Variants in IL20RA observed in about 807,000 individuals in gnomAD.
The protein encoded by IL20RA is interleukin-20 receptor subunit alpha.
Under a neutral mutation model 36.5 loss-of-function variants are expected in IL20RA, and 29 were observed. The ratio of observed to expected loss-of-function variants is 0.79; its 90% confidence interval spans 0.59 to 1.08. The LOEUF (loss-of-function observed/expected upper bound fraction) is 1.08, where lower values mean the gene tolerates loss of function less well. Among genes scored for constraint, IL20RA ranks in the 50% least tolerant of loss-of-function variants. The probability of loss-of-function intolerance (pLI) is 0.00; values close to 1 mark genes in which losing one functional copy is unlikely to be tolerated. For synonymous variants in IL20RA, 279 were observed against 267.1 expected (o/e 1.04, Z -0.43); for missense variants, 652 against 668.4 (o/e 0.98, Z 0.27).
chr6:137,007,527 G>A (rs576246866), intron 5 of IL20RA, among the ~76,000 whole-genome samples: 1 of 152,272 alleles, frequency 6.6e-6, no homozygotes, highest in African/African-American at 2.4e-5. Flanking sequence ...AATGGATGAA[G>A]AGCCCTTCGA....
chr6:137,016,520 G>A (rs1775689604), intron 2 of IL20RA, among the ~76,000 whole-genome samples: 1 of 152,220 alleles, frequency 6.6e-6, no homozygotes, highest in Admixed American at 6.5e-5. Flanking sequence ...CTGACTATCT[G>A]TCTTGCATTC....
Position 137,004,748 on chromosome 6 carries a change from T to G in IL20RA, c.737A>C (p.Glu246Ala), listed in dbSNP as rs754077650. ...CARTLKDQSSEFKAKIIFWYV... is the reference protein window; with the variant it reads ...CARTLKDQSSAFKAKIIFWYV... ...CCAGAAGATGATTTTAGCCTTGAAC[T>G]CTGATGATTGATCTGTAAAAAAAAA... Residue 246 changes from glutamate (E) to alanine (A), a missense_variant, in exon 6 of 7, where the codon GAG (glutamate) becomes GCG (alanine). By Grantham distance (107) the Glu-to-Ala change is moderately radical. Coordinates refer to ENST00000316649, the MANE Select transcript of IL20RA (RefSeq NM_014432.4). 6.4e-7 allele frequency: 1 copy of G among 1,567,792 alleles called. No individual in the cohort carries two copies.
intron 5 of IL20RA, 109 bp downstream of exon 5, chr6:137,008,490 C>T (rs1467217891): frequency 1.9e-5 from 22 of 1,187,496 alleles, no homozygotes; most frequent in Non-Finnish European, 2.0e-5. Context: ...TTTGCCTCAA[C>T]CTGTTTCTGT....
chr6:137,013,210 C>T (rs9483976), intron 2 of IL20RA, among the ~76,000 whole-genome samples: 32,779 of 152,036 alleles, frequency 0.22, 3,791 homozygotes, highest in Middle Eastern at 0.3. Context: ...TCAAAGAGTC[C>T]TGAATTGTGG....
intron 1 of IL20RA, among the ~76,000 whole-genome samples, chr6:137,021,462 C>T (rs1775900718): frequency 6.7e-6 from 1 of 149,076 alleles, no homozygotes; most frequent in East Asian, 2.0e-4. Flanking sequence ...GTGAGGAGTT[C>T]GAGACCAGCC....
At chr6:137,033,688 C>A (rs1776377312) in intron 1 of IL20RA, among the ~76,000 whole-genome samples, 1 of 152,246 alleles carries the variant, frequency 6.6e-6, no homozygotes, top group Admixed American at 6.5e-5. Flanking sequence ...GTGCCAGCAC[C>A]ATTCTTCCAG....
chr6:137,039,347 GGGGCT>G (rs1202210349), intron 1 of IL20RA, among the ~76,000 whole-genome samples: 1 of 152,186 alleles, frequency 6.6e-6, no homozygotes, highest in Non-Finnish European at 1.5e-5. Flanking sequence ...TGGGGAGGCT[GGGGCT>G]GGGCCTCAAG....
At position 137,044,645 on chromosome 6, in the gene IL20RA, C is replaced by T. The variant is rs977395773; in HGVS notation, c.84G>A (p.Arg28=). The T allele has an allele frequency of 8.2e-7, 1 of 1,223,308 alleles. No homozygotes were observed. Among genetic ancestry groups the T allele is most frequent in the Non-Finnish European group, 1.0e-6 (1 of 982,104 alleles). The allele number at this position is 1,223,308 out of a possible 1,614,324, so 75.8% of individuals were successfully genotyped here. ...LLLLLAAPWG[R]AVPCVSGGLP... is the part of the protein sequence containing the mutation. Reference sequence around the variant, plus strand: ...CTGGCGGCGCGACCCACCTACCTGCCCGTCCCCAAGGCGCCGCCAGGAGCA... The same window carrying T: ...CTGGCGGCGCGACCCACCTACCTGCTCGTCCCCAAGGCGCCGCCAGGAGCA... Residue 28 remains arginine (R), a synonymous_variant, in exon 1 of 7, where the codon CGG becomes CGA. Coordinates refer to ENST00000316649, the MANE Select transcript of IL20RA (RefSeq NM_014432.4).
At chr6:137,025,255 A>C (rs1388587636) in intron 1 of IL20RA, among the ~76,000 whole-genome samples, 1 of 152,158 alleles carries the variant, frequency 6.6e-6, no homozygotes, top group African/African-American at 2.4e-5. Context: ...TGATTAGGTC[A>C]TAAGGGCAGA....
At chr6:137,034,886 A>C (rs746499987) in intron 1 of IL20RA, among the ~76,000 whole-genome samples, 2 of 151,126 alleles carry the variant, frequency 1.3e-5, no homozygotes, top group Admixed American at 6.6e-5. Context: ...CGGAGGTTGC[A>C]GTGAGCCGAG....
chr6:137,030,571 A>T (rs1402973025), intron 1 of IL20RA, among the ~76,000 whole-genome samples: 2 of 152,160 alleles, frequency 1.3e-5, no homozygotes, highest in African/African-American at 4.8e-5. Flanking sequence ...CAGCTTTCCC[A>T]AAGTTTTATA....
intron 1 of IL20RA, among the ~76,000 whole-genome samples, chr6:137,042,418 T>C (rs973365678): frequency 2.0e-5 from 3 of 152,214 alleles, no homozygotes; most frequent in Non-Finnish European, 4.4e-5. Context: ...TGACTTTAAA[T>C]GCCTGTTTAT....
At chr6:137,008,463 T>C in intron 5 of IL20RA, 136 bp downstream of exon 5, 1 of 832,296 alleles carries the variant, frequency 1.2e-6, no homozygotes, top group Middle Eastern at 2.4e-4. Flanking sequence ...GCATTTCTGG[T>C]GGTAGTTGTT....
At chr6:137,009,674 C>T (rs1218523689) in intron 3 of IL20RA, among the ~76,000 whole-genome samples, 182 bp from the exon 4 acceptor site, 1 of 140,660 alleles carries the variant, frequency 7.1e-6, no homozygotes, top group African/African-American at 2.7e-5. Flanking sequence ...GGCATGATCT[C>T]GGCTCACTGC....
chr6:137,006,583 GT>G (rs1283166430), intron 5 of IL20RA, among the ~76,000 whole-genome samples: 1 of 152,152 alleles, frequency 6.6e-6, no homozygotes, highest in Non-Finnish European at 1.5e-5. Context: ...TTAAAGAATA[GT>G]TCCAATAGAG....
At chr6:137,026,949 T>C (rs552093495) in intron 1 of IL20RA, among the ~76,000 whole-genome samples, 108 of 152,274 alleles carry the variant, frequency 7.1e-4, no homozygotes, top group Non-Finnish European at 1.5e-3. Context: ...TGGCGCAATC[T>C]TGGCTCACTG....
intron 1 of IL20RA, among the ~76,000 whole-genome samples, chr6:137,027,509 T>C (rs1776135925): frequency 6.6e-6 from 1 of 152,230 alleles, no homozygotes; most frequent in Non-Finnish European, 1.5e-5. Flanking sequence ...AGGGTCACAC[T>C]GGAGCCTACT....
chr6:137,004,469 C>G, intron 6 of IL20RA, 152 bp downstream of exon 6: 1 of 803,130 alleles, frequency 1.2e-6, no homozygotes, highest in South Asian at 1.5e-5. Context: ...AGCCACCATG[C>G]CCAGCCCAGA....
At chr6:137,042,429 A>G (rs1776729235) in intron 1 of IL20RA, among the ~76,000 whole-genome samples, 1 of 152,174 alleles carries the variant, frequency 6.6e-6, no homozygotes, top group African/African-American at 2.4e-5. Flanking sequence ...GCCTGTTTAT[A>G]TTATGCTAAT....
Sources: gnomAD v4.1 joint callset for allele counts (sites outside exome capture counted in the v4.1 genomes callset) on GRCh38, gnomAD v4.1.1 for gene constraint, MANE v1.5 for transcripts, NCBI Gene and HGNC (gene_info 2026-07-23, HGNC 2026-07-21) for gene names.